The following CCNA1 variants were observed in gnomAD, a reference collection of about 807,000 sequenced individuals.
CCNA1 encodes the protein cyclin A1.
CCNA1 carries 23 observed loss-of-function variants against 54.1 expected under a neutral mutation model. That is an observed-to-expected ratio of 0.42 (90% CI 0.31 to 0.60). The LOEUF (loss-of-function observed/expected upper bound fraction) is 0.60. CCNA1 is among the 20% of genes least tolerant of loss of function. The pLI, the probability that CCNA1 is intolerant of heterozygous loss-of-function variation, is 0.14. For missense variants in CCNA1, 450 were observed against 556.7 expected, an observed-to-expected ratio of 0.81 and a Z score of 1.93; for synonymous variants, 208 against 213.9, an observed-to-expected ratio of 0.97 and a Z score of 0.24.
intron 2 of CCNA1, among the ~76,000 whole-genome samples, chr13:36,435,123 A>G (rs1197698323): frequency 6.6e-6 from 1 of 152,220 alleles, no homozygotes; most frequent in Non-Finnish European, 1.5e-5. Context: ...GTTTTCCAAT[A>G]TCAAGGAAAT....
chr13:36,436,758 AG>A (rs2055810484), intron 2 of CCNA1, among the ~76,000 whole-genome samples: 1 of 152,230 alleles, frequency 6.6e-6, no homozygotes, highest in South Asian at 2.1e-4. Context: ...GATAAATAAA[AG>A]GGAGAGTTAT....
At chr13:36,433,661 C>T (rs1192874445) in intron 2 of CCNA1, among the ~76,000 whole-genome samples, 1 of 151,496 alleles carries the variant, frequency 6.6e-6, no homozygotes, top group Non-Finnish European at 1.5e-5. Flanking sequence ...CTGCCTCAGC[C>T]TCCCGAGTAG....
chr13:36,438,996 A>C, intron 5 of CCNA1, 129 bp downstream of exon 5: 1 of 690,262 alleles, frequency 1.4e-6, no homozygotes, highest in East Asian at 2.6e-5. Flanking sequence ...CTTTGATAAA[A>C]GATCATCCTC....
Position 36,440,186 on chromosome 13 carries a change from GT to G in CCNA1, c.1098+4del. Reference sequence around the variant, plus strand: ...TCAGGACTGAGAACCTGGCTAAGGTGTGTATGCCGCGTGATTTCTAGGAACT... The same window carrying G: ...TCAGGACTGAGAACCTGGCTAAGGTGGTATGCCGCGTGATTTCTAGGAACT... On this transcript the variant is annotated splice_donor_region_variant and intron_variant, in intron 6 of 8. Coordinates refer to ENST00000255465, the MANE Select transcript of CCNA1 (RefSeq NM_003914.4). The G allele has an allele frequency of 6.2e-7, 1 of 1,612,890 alleles. No individual in the cohort carries two copies. The highest frequency in any genetic ancestry group is 1.1e-5 in the South Asian group (1 of 90,998).
intron 1 of CCNA1, 85 bp downstream of exon 1, chr13:36,432,814 G>C (rs906991230): frequency 1.9e-6 from 2 of 1,052,774 alleles, no homozygotes; most frequent in African/African-American, 3.1e-5. Context: ...GGGATAAAAA[G>C]CCTCCCTCAG....
intron 2 of CCNA1, among the ~76,000 whole-genome samples, chr13:36,435,844 T>C (rs749902232): frequency 6.6e-6 from 1 of 152,188 alleles, no homozygotes; most frequent in Non-Finnish European, 1.5e-5. Flanking sequence ...ACCCATCCTT[T>C]TCCCTACTCC....
At position 36,437,880 on chromosome 13, in the gene CCNA1, C is replaced by A. The variant is rs61755284; in HGVS notation, c.544+5C>A. 2.5e-3 allele frequency: 4,038 copies of A among 1,612,080 alleles called. 67 individuals carry two copies. In the African/African-American group the frequency reaches 0.036, roughly 14 times the overall value. ...TCCTGCTGGATTTCAACACAGGTAA[C>A]TGACTTGCCTATGGTTGATGGCTGA... On this transcript the variant is annotated splice_donor_5th_base_variant and intron_variant, in intron 3 of 8. Coordinates refer to ENST00000255465, the MANE Select transcript of CCNA1 (RefSeq NM_003914.4).
chr13:36,436,030 T>G (rs769181385), intron 2 of CCNA1, among the ~76,000 whole-genome samples: 3 of 152,238 alleles, frequency 2.0e-5, no homozygotes, highest in Admixed American at 6.5e-5. Context: ...ATTTTGCTCT[T>G]CATGGTTTAC....
At chr13:36,437,140 T>A (rs1240440700) in intron 2 of CCNA1, among the ~76,000 whole-genome samples, 3 of 152,220 alleles carry the variant, frequency 2.0e-5, no homozygotes, top group Admixed American at 6.5e-5. Flanking sequence ...AAAATCGTGT[T>A]TCTTAATAAG....
At chr13:36,435,624 AGTGCC>A (rs2055794039) in intron 2 of CCNA1, among the ~76,000 whole-genome samples, 1 of 152,224 alleles carries the variant, frequency 6.6e-6, no homozygotes. Flanking sequence ...TACAAGTTAG[AGTGCC>A]CTAGGACCTA....
At chr13:36,432,793 C>A in intron 1 of CCNA1, 64 bp downstream of exon 1, 1 of 1,171,330 alleles carries the variant, frequency 8.5e-7, no homozygotes, top group Non-Finnish European at 1.3e-6. Flanking sequence ...TCCAGCCCAA[C>A]ACGAAGTCTT....
rs558671509 is a variant in CCNA1 at position 36,433,353 on chromosome 13, G to T, written c.297+132G>T. 3.2e-5 allele frequency: 14 copies of T among 434,212 alleles called. 1 individual carries two copies. In the South Asian group the frequency reaches 1.2e-3, roughly 36 times the overall value. The allele number at this position is 434,212 out of a possible 1,614,324, so 26.9% of individuals were successfully genotyped here. On this transcript the variant is annotated intron_variant, in intron 2 of 8. Coordinates refer to ENST00000255465, the MANE Select transcript of CCNA1 (RefSeq NM_003914.4). ...TACAACCCTGGAATCTGGACTACAG[G>T]AAAGTTGATTGATTTATTTTCTTTC...
chr13:36,437,741 T>C lies in CCNA1; in HGVS notation c.410T>C (p.Ile137Thr). Residue 137 changes from isoleucine to threonine, a missense_variant, in exon 3 of 9, where the codon ATC becomes ACC. Physicochemically the swap from Ile to Thr is moderately conservative, Grantham distance 89. Around this residue, in one of 6 missense-constraint regions of CCNA1, gnomAD observed 103 missense variants for 92.9 expected, o/e 1.11. Transcript: ENST00000255465. The stretch of plus-strand genomic sequence containing the variant: ...GAGCCCCCCAAGCAAGGGTTTGACA[T>C]CTACATGGATGAACTAGAGCAGGGG... 6.2e-7 allele frequency: 1 copy of C among 1,614,140 alleles called. No homozygotes were observed. Among genetic ancestry groups the C allele is most frequent in the Non-Finnish European group, 8.5e-7 (1 of 1,180,018 alleles).
In CCNA1 at chr13:36,441,265, A is replaced by G. The variant is rs776781987; in HGVS notation, c.1212+34A>G. 5 of 1,326,092 alleles carry G rather than the reference A, an allele frequency of 3.8e-6. No individual in the cohort carries two copies. In the East Asian group the frequency reaches 1.2e-4, roughly 31 times the overall value. 82.1% of individuals were successfully genotyped at this position (1,326,092 alleles called of 1,614,324 possible). Reference sequence around the variant, plus strand: ...CTAACTTCTTTCTAGATGAAATTCAAGGTCTATCTAGAATGGGCTTGCCTC... The same window carrying G: ...CTAACTTCTTTCTAGATGAAATTCAGGGTCTATCTAGAATGGGCTTGCCTC... On this transcript the variant is annotated intron_variant, in intron 7 of 8. Transcript: ENST00000255465.
At position 36,433,424 on chromosome 13, in the gene CCNA1, TTC is replaced by T. The variant is rs1491448385; in HGVS notation, c.297+205_297+206del. Among the ~76,000 whole-genome samples the T allele has an allele frequency of 3.2e-5, 4 of 126,354 alleles. 1 individual carries two copies. Among genetic ancestry groups the T allele is most frequent in the Non-Finnish European group, 7.2e-5 (4 of 55,572 alleles). 82.9% of individuals were successfully genotyped at this position (126,354 alleles called of 152,430 possible). On this transcript the variant is annotated intron_variant, in intron 2 of 8. Transcript: ENST00000255465. Reference sequence around the variant, plus strand: ...TTTCTTTCTTTCTTTCTTTCTTTCTTTCTTTCTTTCTTTCTTTCGTTCTTTCT... The same window carrying T: ...TTTCTTTCTTTCTTTCTTTCTTTCTTTTTCTTTCTTTCTTTCGTTCTTTCT...
At chr13:36,436,600 T>TG (rs1254683785) in intron 2 of CCNA1, among the ~76,000 whole-genome samples, 6 of 152,176 alleles carry the variant, frequency 3.9e-5, no homozygotes, top group Non-Finnish European at 7.3e-5. Flanking sequence ...CTTGGAGCTG[T>TG]GGTTGTAGCA....
Position 36,437,075 on chromosome 13 carries a change from A to G in CCNA1, c.298-554A>G, listed in dbSNP as rs578127787. Among the ~76,000 whole-genome samples the G allele has an allele frequency of 1.1e-4, 17 of 152,354 alleles. No homozygotes were observed. The South Asian group carries it at 3.1e-3, about 28-fold the overall frequency. ...AAATTTCCCCAAGAGTAAATGCATT[A>G]TGTCATACGTAAAGGTTCTGTGGCT... On this transcript the variant is annotated intron_variant, in intron 2 of 8. Coordinates refer to ENST00000255465, the MANE Select transcript of CCNA1 (RefSeq NM_003914.4).
chr13:36,435,474 A>T (rs1022448163), intron 2 of CCNA1, among the ~76,000 whole-genome samples: 2 of 152,200 alleles, frequency 1.3e-5, no homozygotes, highest in Non-Finnish European at 2.9e-5. Flanking sequence ...GATCAGCATT[A>T]TTTGACATGG....
In CCNA1 at chr13:36,438,649, G is replaced by A; in HGVS notation, c.675G>A (p.Arg225=). The change falls in exon 5 of 9, where the codon AGG becomes AGA. Residue 225 remains arginine (R), a synonymous_variant. Coordinates refer to ENST00000255465, the MANE Select transcript of CCNA1 (RefSeq NM_003914.4). ...CAAAACCTTTTCCCAATCAGATAAG[G>A]CACAGACCCAAAGCACACTACATGA... 1 of 1,613,048 alleles carries A rather than the reference G, an allele frequency of 6.2e-7. No individual in the cohort carries two copies. Among genetic ancestry groups the A allele is most frequent in the African/African-American group, 1.3e-5 (1 of 74,968 alleles).
Sources: gnomAD v4.1 joint callset for allele counts (sites outside exome capture counted in the v4.1 genomes callset) on GRCh38, gnomAD v4.1.1 for gene constraint, gnomAD v4.1.1 regional missense constraint, MANE v1.5 for transcripts, NCBI Gene and HGNC (gene_info 2026-07-23, HGNC 2026-07-21) for gene names.